The following ERICH1 variants were observed in gnomAD, a reference collection of about 807,000 sequenced individuals.
ERICH1 encodes glutamate-rich protein 1.
A neutral mutation model predicts 39.6 loss-of-function variants in ERICH1; 56 were observed. That is an observed-to-expected ratio of 1.41 (90% CI 1.14 to 1.77). The LOEUF (loss-of-function observed/expected upper bound fraction) is 1.77, where lower values mean the gene tolerates loss of function less well. Among genes scored for constraint, ERICH1 ranks in the 40% most tolerant of loss-of-function variants. ERICH1 has a pLI of 0.00. For synonymous variants in ERICH1, 313 were observed against 223.6 expected (o/e 1.40, Z -3.57); for missense variants, 826 against 575.4 (o/e 1.44, Z -4.45).
Position 715,999 on chromosome 8 carries a change from C to T in ERICH1, c.31G>A (p.Glu11Lys). 1 of 1,607,662 alleles carries T rather than the reference C, an allele frequency of 6.2e-7. No homozygotes were observed. The highest frequency in any genetic ancestry group is 1.7e-5 in the Admixed American group (1 of 58,128). ...GGAAAAAGTCTCTGCAGCACCTTCT[C>T]CACAAACACTGTACAGACAACCGAT... MAAHRKHVFV[E>K]KVLQRLFPPV... Residue 11 changes from glutamate to lysine, a missense_variant, in exon 2 of 6, where the codon GAG (glutamate) becomes AAG (lysine). Transcript: ENST00000262109.
intron 2 of ERICH1, among the ~76,000 whole-genome samples, chr8:700,061 AGG>A (rs1563297045): frequency 7.1e-6 from 1 of 140,716 alleles, no homozygotes; most frequent in Non-Finnish European, 1.5e-5. Flanking sequence ...ACACGCGCAC[AGG>A]CCCTCACAGG....
chr8:686,473 A>G (rs112597351), intron 3 of ERICH1, among the ~76,000 whole-genome samples: 1 of 152,022 alleles, frequency 6.6e-6, no homozygotes, highest in Non-Finnish European at 1.5e-5. Context: ...AAACAAAAAC[A>G]AAAACCATGT....
chr8:621,109 T>C lies in ERICH1; in HGVS notation c.977-5825A>G, dbSNP rs1043456928. ...ATAGACTTAAATTAAAAATCAGTAA[T>C]AGGAAGAAACTTGGGAAATTCACAA... is the stretch of plus-strand genomic sequence containing the variant. On this transcript the variant is annotated intron_variant, in intron 3 of 3. Coordinates refer to the ERICH1 transcript ENST00000522706. Among the ~76,000 whole-genome samples, 3 of 152,060 alleles carry C rather than the reference T, an allele frequency of 2.0e-5. No homozygotes were observed. In the East Asian group the frequency reaches 5.8e-4, roughly 29 times the overall value.
intron 1 of ERICH1, among the ~76,000 whole-genome samples, chr8:718,171 C>T (rs1159258161): frequency 2.0e-5 from 3 of 151,328 alleles, no homozygotes; most frequent in South Asian, 2.1e-4. Context: ...AACCGCACAA[C>T]GCACAACACA....
At position 664,662 on chromosome 8, in the gene ERICH1, T is replaced by TTA; in HGVS notation, c.1271_1272dup (p.Ile425Ter). The stretch of plus-strand genomic sequence containing the variant: ...ATCCAGTAACTAAAGAAAGCTGAGA[T>TTA]TACTCTGGCATGGTCTAGAAAGCAA... On this transcript the variant is annotated frameshift_variant, in exon 6 of 6. Transcript: ENST00000262109. LOFTEE classifies it high-confidence loss of function. 1 of 1,612,120 alleles carries TTA rather than the reference T, an allele frequency of 6.2e-7. No individual in the cohort carries two copies. Among genetic ancestry groups the TTA allele is most frequent in the South Asian group, 1.1e-5 (1 of 90,746 alleles).
chr8:719,817 C>T (rs1225838994), intron 1 of ERICH1, among the ~76,000 whole-genome samples: 2 of 152,186 alleles, frequency 1.3e-5, no homozygotes, highest in Admixed American at 6.5e-5. Flanking sequence ...CAAGGACCAT[C>T]ACCCTGTACT....
Position 673,847 on chromosome 8 carries a change from GT to G in ERICH1, c.504del (p.Lys168AsnfsTer75), listed in dbSNP as rs1321017680. The G allele has an allele frequency of 3.7e-6, 6 of 1,613,772 alleles. No homozygotes were observed. In the Admixed American group the frequency reaches 8.3e-5, roughly 22 times the overall value. ...GCTGCTTTCTTCCTTTTAATTTGCT[GT>G]TTCTTTTTCAGTTTCCTTTTTTTAT... ...SKNKKRKLKK[K>X]QQIKRKKAAG... On this transcript the variant is annotated frameshift_variant, in exon 4 of 6. Coordinates refer to ENST00000262109, the MANE Select transcript of ERICH1 (RefSeq NM_207332.3). LOFTEE classifies it high-confidence loss of function.
intron 3 of ERICH1, among the ~76,000 whole-genome samples, chr8:625,339 A>AACCACG (rs1797541195): frequency 1.3e-5 from 2 of 152,222 alleles, no homozygotes; most frequent in African/African-American, 4.8e-5. Context: ...TAAACCCTGA[A>AACCACG]ACCACGACGC....
In ERICH1 at chr8:692,363, A is replaced by G. The variant is rs1264331825; in HGVS notation, c.304+115T>C. ...GTGGTTCATTATACAGTGTAACAAC[A>G]TGCTCACCCACCCCCCAAGTATGAA... On this transcript the variant is annotated intron_variant, in intron 3 of 5. Coordinates refer to ENST00000262109, the MANE Select transcript of ERICH1 (RefSeq NM_207332.3). 7 of 1,463,594 alleles carry G rather than the reference A, an allele frequency of 4.8e-6. No individual in the cohort carries two copies. In the East Asian group the frequency reaches 1.6e-4, roughly 34 times the overall value. The allele number at this position is 1,463,594 out of a possible 1,614,324, so 90.7% of individuals were successfully genotyped here.
intron 1 of ERICH1, among the ~76,000 whole-genome samples, chr8:721,729 T>G (rs371981074): frequency 6.6e-6 from 1 of 152,182 alleles, no homozygotes; most frequent in Non-Finnish European, 1.5e-5. Flanking sequence ...CAGCTCTACT[T>G]CGCGACTAAT....
chr8:723,080 T>G (rs1817711286), intron 1 of ERICH1, among the ~76,000 whole-genome samples: 1 of 152,216 alleles, frequency 6.6e-6, no homozygotes, highest in Non-Finnish European at 1.5e-5. Flanking sequence ...GGTGCCCACC[T>G]CATGGTGATG....
intron 3 of ERICH1, among the ~76,000 whole-genome samples, chr8:654,849 C>T (rs1197101498): frequency 2.0e-5 from 3 of 152,138 alleles, no homozygotes; most frequent in African/African-American, 7.2e-5. Context: ...GAGGACCCCC[C>T]GAGTAGCTGC....
At chr8:691,309 C>A (rs1026394239) in intron 3 of ERICH1, among the ~76,000 whole-genome samples, 3 of 152,240 alleles carry the variant, frequency 2.0e-5, no homozygotes, top group Non-Finnish European at 4.4e-5. Context: ...GTGCAAGTAT[C>A]TTTCCACTTC....
chr8:700,532 A>AC lies in ERICH1; in HGVS notation c.170-7921_170-7920insG, dbSNP rs1182787181. Among the ~76,000 whole-genome samples the AC allele has an allele frequency of 1.0e-4, 14 of 138,060 alleles. 1 individual carries two copies. The highest frequency in any genetic ancestry group is 1.6e-4 in the African/African-American group (6 of 38,120). The allele number at this position is 138,060 out of a possible 152,430, so 90.6% of individuals were successfully genotyped here. A position where few individuals can be genotyped will look rare whatever the true frequency, so the allele number is the denominator to read the frequency against. On this transcript the variant is annotated intron_variant, in intron 2 of 5. Coordinates refer to ENST00000262109, the MANE Select transcript of ERICH1 (RefSeq NM_207332.3). ...CCCGCACAGGCGCACAGGCCCGCAC[A>AC]GGCGCACAGGCCCGCACACGCGCAC... is the stretch of plus-strand genomic sequence containing the variant.
chr8:624,554 T>C (rs1283975748), intron 3 of ERICH1, among the ~76,000 whole-genome samples: 2 of 152,124 alleles, frequency 1.3e-5, no homozygotes, highest in African/African-American at 4.8e-5. Context: ...AGATGTTCAA[T>C]TGGCTCACAG....
At chr8:695,968 A>G (rs1330875506) in intron 2 of ERICH1, among the ~76,000 whole-genome samples, 1 of 24,130 alleles carries the variant, frequency 4.1e-5, no homozygotes, top group Non-Finnish European at 6.7e-5. Flanking sequence ...CGCTCCTCTC[A>G]CCCTCCACTC....
chr8:637,359 G>T (rs914695418), intron 3 of ERICH1, among the ~76,000 whole-genome samples: 1 of 152,320 alleles, frequency 6.6e-6, no homozygotes, highest in Non-Finnish European at 1.5e-5. Context: ...GCGGCTCCTG[G>T]GCTACACGTT....
intron 2 of ERICH1, among the ~76,000 whole-genome samples, chr8:711,260 T>C (rs902366009): frequency 2.0e-5 from 3 of 152,196 alleles, no homozygotes; most frequent in South Asian, 2.1e-4. Context: ...GAAAATATTT[T>C]CTCTAAGTCT....
chr8:648,632 G>A (rs1314186430), intron 3 of ERICH1, among the ~76,000 whole-genome samples: 3 of 68,630 alleles, frequency 4.4e-5, no homozygotes, highest in Admixed American at 3.8e-4. Context: ...GTGTGAACAC[G>A]GGGCTGTCCT....
Sources: gnomAD v4.1 joint callset for allele counts (sites outside exome capture counted in the v4.1 genomes callset) on GRCh38, gnomAD v4.1.1 for gene constraint, MANE v1.5 for transcripts, NCBI Gene and HGNC (gene_info 2026-07-23, HGNC 2026-07-21) for gene names.